Variants in NAV3 observed in about 807,000 individuals in gnomAD.
NAV3 encodes neuron navigator 3, also known as pore membrane and/or filament interacting like protein 1.
Under a neutral mutation model 244.7 loss-of-function variants are expected in NAV3, and 87 were observed. The observed-to-expected ratio is 0.36, with a 90% CI of 0.30 to 0.42. NAV3 has a LOEUF of 0.42. NAV3 is among the 20% of genes least tolerant of loss of function. The pLI is 1.00. For synonymous variants in NAV3, 1,126 were observed against 1,042.2 expected (o/e 1.08, Z -1.55); for missense variants, 2,663 against 2,893.3 (o/e 0.92, Z 1.83).
intron 2 of NAV3, among the ~76,000 whole-genome samples, chr12:77,612,744 C>A (rs1481545608): frequency 6.6e-6 from 1 of 152,070 alleles, no homozygotes; most frequent in Non-Finnish European, 1.5e-5. Flanking sequence ...CCAACCCCTT[C>A]AGTAAGAAAA....
intron 2 of NAV3, among the ~76,000 whole-genome samples, chr12:77,599,185 C>T (rs989965780): frequency 6.6e-6 from 1 of 151,936 alleles, no homozygotes; most frequent in African/African-American, 2.4e-5. Flanking sequence ...CATGTCATCA[C>T]ATGTGGCAGG....
chr12:77,934,596 C>T (rs1049978657), intron 1 of NAV3, among the ~76,000 whole-genome samples: 7 of 152,146 alleles, frequency 4.6e-5, no homozygotes, highest in African/African-American at 1.7e-4. Context: ...ACTTACTTCA[C>T]TGATCACCTT....
intron 9 of NAV3, among the ~76,000 whole-genome samples, chr12:78,027,942 C>T (rs535533067): frequency 4.0e-5 from 6 of 149,776 alleles, no homozygotes; most frequent in East Asian, 3.9e-4. Flanking sequence ...AAAAAGGAAG[C>T]GTTTTTTTTT....
rs1299193361 is a variant in NAV3, at chr12:78,193,530, C to T, written c.6291+3311C>T. Among the ~76,000 whole-genome samples, 4 of 152,226 alleles carry T rather than the reference C, an allele frequency of 2.6e-5. No individual in the cohort carries two copies. The East Asian group carries it at 7.7e-4, about 29-fold the overall frequency. On this transcript the variant is annotated intron_variant, in intron 34 of 39. Coordinates refer to ENST00000397909, the MANE Select transcript of NAV3 (RefSeq NM_001024383.2). ...TGTAGTTTCAGAGTATGGGATTCATCTCATTGCCAACTCCCATCTGGTAGA... is the reference window on the plus strand; with the variant it reads ...TGTAGTTTCAGAGTATGGGATTCATTTCATTGCCAACTCCCATCTGGTAGA...
intron 2 of NAV3, among the ~76,000 whole-genome samples, chr12:77,787,632 G>A (rs9669735): frequency 0.53 from 80,327 of 151,954 alleles, 21,589 homozygotes; most frequent in South Asian, 0.69. Flanking sequence ...ACAGCAGCGA[G>A]GGGGAAGCTG....
At chr12:78,007,887 A>G (rs1874521509) in intron 8 of NAV3, among the ~76,000 whole-genome samples, 1 of 152,222 alleles carries the variant, frequency 6.6e-6, no homozygotes, top group African/African-American at 2.4e-5. Flanking sequence ...AGCCTCTGAA[A>G]TGATAAAGTT....
chr12:77,686,602 G>A (rs974912957), intron 2 of NAV3, among the ~76,000 whole-genome samples: 1 of 151,880 alleles, frequency 6.6e-6, no homozygotes, highest in African/African-American at 2.4e-5. Context: ...ATGACACACA[G>A]CATCCATAGG....
chr12:78,105,313 G>T (rs1241680139), intron 12 of NAV3, among the ~76,000 whole-genome samples: 2 of 152,022 alleles, frequency 1.3e-5, no homozygotes, highest in African/African-American at 2.4e-5. Flanking sequence ...TGAAAATTTA[G>T]GTGAGCTATT....
At chr12:78,182,646 G>C (rs1371557761) in intron 30 of NAV3, among the ~76,000 whole-genome samples, 1 of 151,612 alleles carries the variant, frequency 6.6e-6, no homozygotes, top group South Asian at 2.1e-4. Context: ...TATGTTTATT[G>C]GTCTTAACAC....
chr12:78,037,038 G>A, intron 9 of NAV3: 1 of 702,984 alleles, frequency 1.4e-6, no homozygotes, highest in South Asian at 1.5e-5. Context: ...CAGCCAGAGA[G>A]AAGCCAACTA....
At chr12:77,750,727 A>G (rs2135798391) in intron 2 of NAV3, among the ~76,000 whole-genome samples, 1 of 152,304 alleles carries the variant, frequency 6.6e-6, no homozygotes, top group South Asian at 2.1e-4. Context: ...GACAAGTGAT[A>G]CAATAGCATA....
At chr12:77,611,618 C>A (rs696456) in intron 2 of NAV3, among the ~76,000 whole-genome samples, 9,313 of 151,798 alleles carry the variant, frequency 0.061, 388 homozygotes, top group African/African-American at 0.11. Context: ...TTAACAGGCC[C>A]TTATGTATCC....
chr12:77,890,849 A>G (rs910838596), intron 1 of NAV3, among the ~76,000 whole-genome samples: 3 of 152,234 alleles, frequency 2.0e-5, no homozygotes, highest in African/African-American at 7.2e-5. Context: ...AGTTCTCCTG[A>G]AAGTAAATTC....
intron 2 of NAV3, among the ~76,000 whole-genome samples, chr12:77,768,781 G>T (rs564527858): frequency 2.6e-5 from 4 of 152,340 alleles, no homozygotes; most frequent in Non-Finnish European, 5.9e-5. Context: ...AGGTAGGCAG[G>T]GCTCCTGCCT....
chr12:77,660,212 T>C (rs1339867780), intron 2 of NAV3, among the ~76,000 whole-genome samples: 1 of 152,176 alleles, frequency 6.6e-6, no homozygotes, highest in Non-Finnish European at 1.5e-5. Context: ...GGAGAAAAGT[T>C]TAACTGAAGT....
At chr12:77,860,067 A>C (rs1052633646) in intron 1 of NAV3, among the ~76,000 whole-genome samples, 2 of 151,906 alleles carry the variant, frequency 1.3e-5, no homozygotes, top group Non-Finnish European at 2.9e-5. Flanking sequence ...AGATTTATTA[A>C]GTGGAAAAAG....
chr12:78,014,680 T>C (rs375014274), intron 8 of NAV3, among the ~76,000 whole-genome samples: 2 of 152,212 alleles, frequency 1.3e-5, no homozygotes, highest in South Asian at 2.1e-4. Flanking sequence ...GTTTTGAAAA[T>C]GCTTACTCAC....
chr12:77,929,736 G>A (rs940017977), intron 1 of NAV3, among the ~76,000 whole-genome samples: 4 of 150,694 alleles, frequency 2.7e-5, no homozygotes, highest in Admixed American at 2.0e-4. Flanking sequence ...TGGTTCAAGC[G>A]ATTCTCCTGC....
At chr12:77,829,443 T>A (rs561323905), upstream of NAV3, among the ~76,000 whole-genome samples, 2 of 152,340 alleles carry the variant, frequency 1.3e-5, no homozygotes, top group South Asian at 4.1e-4. Flanking sequence ...GTTCTATTAT[T>A]TAGGTGCTGT....
Sources: allele counts gnomAD v4.1 joint callset (sites outside exome capture counted in the v4.1 genomes callset), GRCh38; gene constraint gnomAD v4.1.1; transcripts MANE v1.5; gene names NCBI Gene and HGNC (gene_info 2026-07-23, HGNC 2026-07-21).